The following EML5 variants were observed in gnomAD, a reference collection of about 807,000 sequenced individuals.
EML5 encodes echinoderm microtubule-associated protein-like 5.
Under a neutral mutation model 250.0 loss-of-function variants are expected in EML5, and 120 were observed. The observed-to-expected ratio is 0.48, with a 90% CI of 0.41 to 0.56. The LOEUF (loss-of-function observed/expected upper bound fraction) is 0.56, where lower values mean the gene tolerates loss of function less well. Ranked by LOEUF, EML5 falls within the 20% of genes least tolerant of loss-of-function variation. The pLI is 0.00. For synonymous variants in EML5, 771 were observed against 806.5 expected (o/e 0.96, Z 0.75); for missense variants, 2,006 against 2,437.6 (o/e 0.82, Z 3.73).
intron 31 of EML5, among the ~76,000 whole-genome samples, chr14:88,640,554 T>C (rs750681142): frequency 2.0e-4 from 30 of 152,184 alleles, no homozygotes; most frequent in South Asian, 4.1e-4. Flanking sequence ...AGCAAAAGCA[T>C]GTTAAATGTT....
intron 17 of EML5, 21 bp from the exon 18 acceptor site, chr14:88,688,494 T>C (rs1378329231): frequency 1.9e-6 from 3 of 1,609,650 alleles, no homozygotes; most frequent in Non-Finnish European, 2.5e-6. Flanking sequence ...AAAAATATTA[T>C]GAAAGTACCA....
At chr14:88,641,753 T>A (rs1401309379) in intron 31 of EML5, among the ~76,000 whole-genome samples, 1 of 152,108 alleles carries the variant, frequency 6.6e-6, no homozygotes, top group Non-Finnish European at 1.5e-5. Context: ...AAACCAAATA[T>A]AATAAAAACT....
chr14:88,702,463 A>G lies in EML5; in HGVS notation c.2221T>C (p.Tyr741His). 6.2e-7 allele frequency: 1 copy of G among 1,611,608 alleles called. No homozygotes were observed. The highest frequency in any genetic ancestry group is 8.5e-7 in the Non-Finnish European group (1 of 1,178,858). The change falls in exon 14 of 44, where the codon TAC becomes CAC. Residue 741 changes from tyrosine to histidine, a missense_variant. Tyr to His is a moderately conservative substitution (Grantham distance 83). Transcript: ENST00000554922. ...AAACCTACCTGGCCTGTTGCCACGTAGTCTTTCAAAGGATGAATAGTTAGG... is the reference window on the plus strand; with the variant it reads ...AAACCTACCTGGCCTGTTGCCACGTGGTCTTTCAAAGGATGAATAGTTAGG... ...LCLTIHPLKD[Y>H]VATGQVGRDP...
At position 88,727,190 on chromosome 14, in the gene EML5, T is replaced by C. The variant is rs114182796; in HGVS notation, c.1050-512A>G. Among the ~76,000 whole-genome samples the C allele has an allele frequency of 2.4e-3, 371 of 152,294 alleles. 1 individual carries two copies. The highest frequency in any genetic ancestry group is 8.3e-3 in the African/African-American group (344 of 41,578). On this transcript the variant is annotated intron_variant, in intron 7 of 43. Coordinates refer to ENST00000554922, the MANE Select transcript of EML5 (RefSeq NM_183387.3). The stretch of plus-strand genomic sequence containing the variant: ...AAAATGTAACACTCAAAGTCCAATT[T>C]TATCTTTTTCCTCTTATGTCAACAT...
At chr14:88,640,834 G>A (rs2091023205) in intron 31 of EML5, among the ~76,000 whole-genome samples, 1 of 151,782 alleles carries the variant, frequency 6.6e-6, no homozygotes. Context: ...ACAAAAAAAA[G>A]AAGATCCCAA....
intron 1 of EML5, among the ~76,000 whole-genome samples, chr14:88,782,474 G>A (rs2094507152): frequency 6.6e-6 from 1 of 152,206 alleles, no homozygotes. Flanking sequence ...AAGACAAAGA[G>A]GAAAACGTCT....
At chr14:88,646,872 T>A in intron 29 of EML5, 75 bp downstream of exon 29, 1 of 1,462,284 alleles carries the variant, frequency 6.8e-7, no homozygotes, top group Non-Finnish European at 9.2e-7. Context: ...AGTAACAGTA[T>A]CCCATTAATG....
At chr14:88,686,414 C>CAAT (rs1041658415) in intron 19 of EML5, among the ~76,000 whole-genome samples, 9 of 150,968 alleles carry the variant, frequency 6.0e-5, no homozygotes, top group Non-Finnish European at 1.0e-4. Flanking sequence ...ATAATAATAA[C>CAAT]AATAATAATA....
At chr14:88,624,898 T>A (rs2089688106) in intron 36 of EML5, 72 bp downstream of exon 36, 2 of 1,550,096 alleles carry the variant, frequency 1.3e-6, no homozygotes, top group Admixed American at 1.9e-5. Context: ...TAGAAACAAC[T>A]AGAATAATTA....
At position 88,613,244 on chromosome 14, in the gene EML5, G is replaced by A. The variant is rs1468464125; in HGVS notation, c.*2574C>T. On this transcript the variant is annotated 3_prime_UTR_variant, in exon 44 of 44. Coordinates refer to ENST00000554922, the MANE Select transcript of EML5 (RefSeq NM_183387.3). The stretch of plus-strand genomic sequence containing the variant: ...ACAAGTGCATAAGGCTGTTGTCTTC[G>A]GCTTGGGTGAAATGACAGTTCCTCT... 10 of 152,068 alleles carry A rather than the reference G, an allele frequency of 6.6e-5. No homozygotes were observed. Among genetic ancestry groups the A allele is most frequent in the African/African-American group, 1.9e-4 (8 of 41,406 alleles). The allele number at this position is 152,068 out of a possible 1,614,324, so 9.4% of individuals were successfully genotyped here. A position where few individuals can be genotyped will look rare whatever the true frequency, so the allele number is the denominator to read the frequency against.
At chr14:88,716,249 G>GAAATAC (rs1426871307) in intron 8 of EML5, among the ~76,000 whole-genome samples, 2 of 152,136 alleles carry the variant, frequency 1.3e-5, no homozygotes, top group African/African-American at 4.8e-5. Context: ...AATAGAAATA[G>GAAATAC]AAAAATGAGC....
chr14:88,655,153 A>G (rs2140874029), intron 27 of EML5, among the ~76,000 whole-genome samples: 1 of 152,338 alleles, frequency 6.6e-6, no homozygotes, highest in East Asian at 1.9e-4. Flanking sequence ...AACTAAAAAA[A>G]GAGCCCATAT....
chr14:88,626,662 C>A, intron 35 of EML5, 176 bp downstream of exon 35: 1 of 664,346 alleles, frequency 1.5e-6, no homozygotes, highest in Non-Finnish European at 2.5e-6. Context: ...ACATTCTTTT[C>A]ACTCCCTAAT....
chr14:88,674,596 G>A (rs2092551958), intron 21 of EML5, among the ~76,000 whole-genome samples: 1 of 152,082 alleles, frequency 6.6e-6, no homozygotes, highest in Non-Finnish European at 1.5e-5. Context: ...TGAGATTTGG[G>A]TGGGGACACA....
intron 21 of EML5, among the ~76,000 whole-genome samples, chr14:88,666,430 T>G (rs2092308553): frequency 6.6e-6 from 1 of 152,082 alleles, no homozygotes; most frequent in Non-Finnish European, 1.5e-5. Context: ...TTCACCATGT[T>G]GGTCAGGCTG....
intron 35 of EML5, chr14:88,626,174 A>C (rs952833998): frequency 6.6e-6 from 1 of 152,334 alleles, no homozygotes; most frequent in African/African-American, 2.4e-5. Context: ...ACCTTAAATC[A>C]TTTGAAAATC....
intron 1 of EML5, among the ~76,000 whole-genome samples, chr14:88,788,696 A>AAT (rs1376334199): frequency 3.3e-5 from 5 of 152,116 alleles, no homozygotes; most frequent in African/African-American, 7.2e-5. Context: ...AACTCTCAAT[A>AAT]ATATCCTTAA....
chr14:88,778,778 A>AAAAACAAAACAAAAC (rs201281131), intron 1 of EML5, among the ~76,000 whole-genome samples: 1 of 152,188 alleles, frequency 6.6e-6, no homozygotes, highest in African/African-American at 2.4e-5. Flanking sequence ...ACTCCATCTC[A>AAAAACAAAACAAAAC]AAAACAAAAC....
intron 21 of EML5, among the ~76,000 whole-genome samples, chr14:88,678,517 C>A (rs2092647263): frequency 6.6e-6 from 1 of 152,076 alleles, no homozygotes; most frequent in Admixed American, 6.6e-5. Context: ...ACCTGAACCT[C>A]CTAGACAAAA....
Sources: gnomAD v4.1 joint callset for allele counts (sites outside exome capture counted in the v4.1 genomes callset) on GRCh38, gnomAD v4.1.1 for gene constraint, MANE v1.5 for transcripts, NCBI Gene and HGNC (gene_info 2026-07-23, HGNC 2026-07-21) for gene names.